The following LAMA4 variants were observed in gnomAD, a reference collection of about 807,000 sequenced individuals.
LAMA4 encodes the protein laminin subunit alpha-4.
A neutral mutation model predicts 207.1 loss-of-function variants in LAMA4; 127 were observed. The observed-to-expected ratio is 0.61, with a 90% confidence interval of 0.53 to 0.71. The LOEUF (loss-of-function observed/expected upper bound fraction) is 0.71, where lower values mean the gene tolerates loss of function less well. LAMA4 is among the 30% of genes least tolerant of loss of function. The probability of loss-of-function intolerance (pLI) is 0.00; values close to 1 mark genes in which losing one functional copy is unlikely to be tolerated. For missense variants in LAMA4, 2,093 were observed against 2,246.5 expected (o/e 0.93, Z 1.38); for synonymous variants, 761 against 816.0 (o/e 0.93, Z 1.15).
At position 112,211,161 on chromosome 6, in the gene LAMA4, C is replaced by T. The variant is rs116259678; in HGVS notation, c.298-4016G>A. Reference sequence around the variant, plus strand: ...CCTGAGGGTCTGCATTTCTAACAAGCTCCCAAATATCATCCATGCAGCTGG... The same window carrying T: ...CCTGAGGGTCTGCATTTCTAACAAGTTCCCAAATATCATCCATGCAGCTGG... On this transcript the variant is annotated intron_variant, in intron 3 of 38. Transcript: ENST00000230538. Among the ~76,000 whole-genome samples the T allele has an allele frequency of 2.1e-3, 325 of 152,248 alleles. 3 individuals carry two copies. The highest frequency in any genetic ancestry group is 0.01 in the Middle Eastern group (3 of 294).
intron 33 of LAMA4, 146 bp from the exon 34 acceptor site, chr6:112,119,457 G>T: frequency 1.2e-6 from 1 of 865,636 alleles, no homozygotes; most frequent in Non-Finnish European, 1.8e-6. Context: ...CATCTCTGAA[G>T]GTCAGGAGTT....
intron 17 of LAMA4, among the ~76,000 whole-genome samples, chr6:112,150,224 CACACACACACAG>C (rs1252708285): frequency 0.017 from 2,597 of 150,322 alleles, 63 homozygotes; most frequent in African/African-American, 0.06. Context: ...CACACACACA[CACACACACACAG>C]ACACACACAG....
rs61692382 is a variant in LAMA4 at position 112,241,172 on chromosome 6, A to AATATATATATGAATATATATGAAT, written c.195+12783_195+12784insATTCATATATATTCATATATATAT. ...ATGAATATATATATGAATATATATG[A>AATATATATATGAATATATATGAAT]ATATATATGAATATATATGAATATA... is the stretch of plus-strand genomic sequence containing the variant. On this transcript the variant is annotated intron_variant, in intron 2 of 38. Transcript: ENST00000230538. Among the ~76,000 whole-genome samples the AATATATATATGAATATATATGAAT allele has an allele frequency of 4.0e-3, 354 of 89,378 alleles. 73 individuals carry two copies. Among genetic ancestry groups the AATATATATATGAATATATATGAAT allele is most frequent in the African/African-American group, 0.018 (340 of 18,548 alleles). 58.6% of individuals were successfully genotyped at this position (89,378 alleles called of 152,430 possible). A position where few individuals can be genotyped will look rare whatever the true frequency, so the allele number is the denominator to read the frequency against.
In LAMA4 at chr6:112,185,434, CAG is replaced by C. The variant is rs1414226670; in HGVS notation, c.967-89_967-88del. On this transcript the variant is annotated intron_variant, in intron 8 of 38. Transcript: ENST00000230538. ...AAAACTCTTTCAGTGTAAGAGGACTCAGAGTAGAGTGTGAGGCTCTTTTCTCA... is the reference window on the plus strand; with the variant it reads ...AAAACTCTTTCAGTGTAAGAGGACTCAGTAGAGTGTGAGGCTCTTTTCTCA... 4.9e-6 allele frequency: 4 copies of C among 819,160 alleles called. No individual in the cohort carries two copies. The African/African-American group carries it at 5.0e-5, about 10-fold the overall frequency. 50.7% of individuals were successfully genotyped at this position (819,160 alleles called of 1,614,324 possible).
chr6:112,235,088 A>C (rs1554365598), intron 2 of LAMA4, among the ~76,000 whole-genome samples: 1 of 152,186 alleles, frequency 6.6e-6, no homozygotes, highest in Non-Finnish European at 1.5e-5. Context: ...CCATTTTGAA[A>C]ATGGACCATG....
chr6:112,135,744 A>G (rs1779300225), intron 25 of LAMA4: 1 of 195,752 alleles, frequency 5.1e-6, no homozygotes, highest in African/African-American at 2.4e-5. Flanking sequence ...ATTCTTGTTA[A>G]ATTTGGTGGG....
At chr6:112,208,765 G>T (rs191303378) in intron 3 of LAMA4, among the ~76,000 whole-genome samples, 2 of 152,148 alleles carry the variant, frequency 1.3e-5, no homozygotes, top group Non-Finnish European at 2.9e-5. Flanking sequence ...TAGCTATCCC[G>T]GTTGAATGTT....
Position 112,191,771 on chromosome 6 carries a change from G to A in LAMA4, c.583C>T (p.Pro195Ser), listed in dbSNP as rs1256506675. 1 of 1,614,128 alleles carries A rather than the reference G, an allele frequency of 6.2e-7. No individual in the cohort carries two copies. The highest frequency in any genetic ancestry group is 8.5e-7 in the Non-Finnish European group (1 of 1,179,976). ...KKCDCSGNSD[P>S]NLIFEDCDEV... ...TCACAATCTTCAAAGATCAGGTTGG[G>A]ATCTGAATTTCCACTGCAGTCACAT... The change falls in exon 6 of 39, where the codon CCC becomes TCC. Residue 195 changes from proline to serine, a missense_variant. Physicochemically the swap from Pro to Ser is moderately conservative, Grantham distance 74. Transcript: ENST00000230538.
At chr6:112,142,795 T>G in intron 19 of LAMA4, among the ~76,000 whole-genome samples, 1 of 152,184 alleles carries the variant, frequency 6.6e-6, no homozygotes, top group Non-Finnish European at 1.5e-5. Flanking sequence ...AGCTTTGTAG[T>G]CTCAGACCAG....
At chr6:112,123,511 A>G (rs1778497076) in intron 31 of LAMA4, among the ~76,000 whole-genome samples, 1 of 152,226 alleles carries the variant, frequency 6.6e-6, no homozygotes, top group African/African-American at 2.4e-5. Context: ...AGATTGGAAC[A>G]GATGGACAAT....
At chr6:112,174,593 A>T (rs1272623148) in intron 11 of LAMA4, among the ~76,000 whole-genome samples, 2 of 152,174 alleles carry the variant, frequency 1.3e-5, no homozygotes, top group African/African-American at 4.8e-5. Context: ...CCCAGGTTCA[A>T]GCGATTCTCC....
intron 6 of LAMA4, among the ~76,000 whole-genome samples, chr6:112,191,140 C>T (rs782118010): frequency 6.6e-6 from 1 of 151,810 alleles, no homozygotes; most frequent in Non-Finnish European, 1.5e-5. Flanking sequence ...CACCACCATG[C>T]CCAGCTAATT....
chr6:112,217,436 C>T (rs1784692460), intron 2 of LAMA4, among the ~76,000 whole-genome samples: 1 of 152,188 alleles, frequency 6.6e-6, no homozygotes, highest in Admixed American at 6.5e-5. Context: ...TTTCCACAGA[C>T]TTACAGAGTC....
chr6:112,205,707 A>C (rs1382870308), intron 4 of LAMA4, among the ~76,000 whole-genome samples: 2 of 152,124 alleles, frequency 1.3e-5, no homozygotes, highest in Non-Finnish European at 2.9e-5. Context: ...AGTGACTCAC[A>C]GTGGACCCCT....
At chr6:112,190,938 T>TCTTTCTTA (rs1783046899) in intron 6 of LAMA4, among the ~76,000 whole-genome samples, 2 of 59,880 alleles carry the variant, frequency 3.3e-5, no homozygotes, top group Admixed American at 1.8e-4. Flanking sequence ...TTTCTTTCTT[T>TCTTTCTTA]CTTTCTTTCC....
chr6:112,191,919 A>AG, intron 5 of LAMA4, 69 bp from the exon 6 acceptor site: 14 of 1,184,418 alleles, frequency 1.2e-5, no homozygotes, highest in Non-Finnish European at 1.5e-5. Context: ...CTTCTTTCCT[A>AG]CAAAGAAGAA....
chr6:112,228,781 C>T (rs113890184), intron 2 of LAMA4, among the ~76,000 whole-genome samples: 3 of 152,288 alleles, frequency 2.0e-5, no homozygotes, highest in African/African-American at 4.8e-5. Context: ...TTTCCCTTCT[C>T]CTATTACTTT....
At chr6:112,200,137 T>A (rs1554351732) in intron 5 of LAMA4, 2 of 533,112 alleles carry the variant, frequency 3.8e-6, no homozygotes, top group African/African-American at 3.9e-5. Context: ...TCTTACCGAG[T>A]CATTCAGTGG....
intron 11 of LAMA4, among the ~76,000 whole-genome samples, chr6:112,174,492 G>C (rs550527172): frequency 6.6e-6 from 1 of 152,240 alleles, no homozygotes; most frequent in African/African-American, 2.4e-5. Flanking sequence ...ATTTGGGGTG[G>C]TTTTTGTTTT....
Sources: gnomAD v4.1 joint callset for allele counts (sites outside exome capture counted in the v4.1 genomes callset) on GRCh38, gnomAD v4.1.1 for gene constraint, MANE v1.5 for transcripts, NCBI Gene and HGNC (gene_info 2026-07-23, HGNC 2026-07-21) for gene names.